CADPS2: variants seen among roughly 807,000 people sequenced by gnomAD.
CADPS2 encodes calcium-dependent secretion activator 2.
Under a neutral mutation model 172.5 loss-of-function variants are expected in CADPS2, and 93 were observed. That is an observed-to-expected ratio of 0.54 (90% CI 0.46 to 0.64). CADPS2 has a LOEUF of 0.64. Among genes scored for constraint, CADPS2 ranks in the 30% least tolerant of loss-of-function variants. The pLI is 0.00. For missense variants in CADPS2, 1,420 were observed against 1,565.9 expected, an observed-to-expected ratio of 0.91 and a Z score of 1.57; for synonymous variants, 546 against 555.2, an observed-to-expected ratio of 0.98 and a Z score of 0.23.
chr7:122,489,110 G>T (rs1414590581), intron 11 of CADPS2, among the ~76,000 whole-genome samples: 1 of 152,024 alleles, frequency 6.6e-6, no homozygotes, highest in Non-Finnish European at 1.5e-5. Flanking sequence ...ACATATAAAA[G>T]ATATGCCCCA....
chr7:122,379,245 A>AT (rs2042712857), intron 25 of CADPS2, 123 bp downstream of exon 25: 7 of 577,660 alleles, frequency 1.2e-5, no homozygotes, highest in Non-Finnish European at 1.4e-5. Context: ...GAAAATTCTA[A>AT]TTTTTTCCTG....
At chr7:122,541,831 T>TCATATATATTTATATATG in intron 8 of CADPS2, among the ~76,000 whole-genome samples, 1 of 108,222 alleles carries the variant, frequency 9.2e-6, no homozygotes, top group Admixed American at 9.4e-5. Flanking sequence ...GTTTATATAT[T>TCATATATATTTATATATG]CATATGTTTA....
intron 1 of CADPS2, among the ~76,000 whole-genome samples, chr7:122,816,351 G>A (rs545299103): frequency 6.6e-6 from 1 of 152,214 alleles, no homozygotes; most frequent in South Asian, 2.1e-4. Flanking sequence ...TGCCATCTGG[G>A]TTGTTGCAAA....
At chr7:122,346,109 G>A (rs1486925143) in intron 27 of CADPS2, among the ~76,000 whole-genome samples, 2 of 152,082 alleles carry the variant, frequency 1.3e-5, no homozygotes, top group African/African-American at 2.4e-5. Flanking sequence ...GCTCATGCCT[G>A]CAATCCCAGC....
chr7:122,359,457 C>A (rs894201818), intron 27 of CADPS2, among the ~76,000 whole-genome samples: 12 of 152,030 alleles, frequency 7.9e-5, no homozygotes, highest in African/African-American at 2.7e-4. Context: ...CTCTGAAATT[C>A]TATGGAGAGA....
intron 27 of CADPS2, among the ~76,000 whole-genome samples, chr7:122,355,281 T>C (rs146799724): frequency 6.6e-6 from 1 of 152,298 alleles, no homozygotes; most frequent in African/African-American, 2.4e-5. Flanking sequence ...AATTTATTTA[T>C]TGCTTTAAAA....
At chr7:122,354,983 G>A (rs1008528130) in intron 27 of CADPS2, among the ~76,000 whole-genome samples, 1 of 152,116 alleles carries the variant, frequency 6.6e-6, no homozygotes, top group Non-Finnish European at 1.5e-5. Flanking sequence ...AGAGGCACGT[G>A]CCTGGAATTT....
intron 24 of CADPS2, among the ~76,000 whole-genome samples, chr7:122,382,009 C>T (rs1337260969): frequency 1.3e-5 from 2 of 151,944 alleles, no homozygotes; most frequent in East Asian, 1.9e-4. Context: ...TGGTGGAGGT[C>T]GTATAGGCAC....
chr7:122,501,874 CAAAAAAAAAAAAAA>C (rs1173009562), intron 9 of CADPS2, among the ~76,000 whole-genome samples: 1 of 42,170 alleles, frequency 2.4e-5, no homozygotes, highest in South Asian at 1.2e-3. Context: ...GACTCCGTCT[CAAAAAAAAAAAAAA>C]AAAAAAAAAA....
chr7:122,769,848 C>A (rs2139033037), intron 1 of CADPS2, among the ~76,000 whole-genome samples: 1 of 152,170 alleles, frequency 6.6e-6, no homozygotes, highest in Middle Eastern at 3.4e-3. Flanking sequence ...CCCCCTAAAC[C>A]ACAAATGGCT....
intron 8 of CADPS2, among the ~76,000 whole-genome samples, chr7:122,514,645 T>C (rs1199402083): frequency 2.0e-5 from 3 of 152,058 alleles, no homozygotes; most frequent in Non-Finnish European, 4.4e-5. Context: ...TTCCTGAATG[T>C]ATTAAGGTAA....
intron 2 of CADPS2, among the ~76,000 whole-genome samples, chr7:122,688,738 T>A (rs903604972): frequency 6.7e-6 from 1 of 148,172 alleles, no homozygotes; most frequent in Non-Finnish European, 1.5e-5. Context: ...TGATGAGCCT[T>A]CCCATTTTAT....
At position 122,510,355 on chromosome 7, in the gene CADPS2, C is replaced by A. The variant is rs964394467; in HGVS notation, c.1542+2894G>T. On this transcript the variant is annotated intron_variant, in intron 9 of 29. Transcript: ENST00000449022. Reference sequence around the variant, plus strand: ...GAATATAAACAGAGACCAAAATGATCTTACTTGGAAGCCAAATAAACACTC... The same window carrying A: ...GAATATAAACAGAGACCAAAATGATATTACTTGGAAGCCAAATAAACACTC... 1.2e-4 allele frequency among the ~76,000 whole-genome samples: 19 copies of A among 152,246 alleles called. No homozygotes were observed. The East Asian group carries it at 3.7e-3, about 29-fold the overall frequency.
intron 1 of CADPS2, among the ~76,000 whole-genome samples, chr7:122,860,050 G>A (rs1454861117): frequency 6.6e-6 from 1 of 152,010 alleles, no homozygotes; most frequent in Admixed American, 6.6e-5. Flanking sequence ...GAACGTTCTG[G>A]GATTTATAAG....
At chr7:122,648,817 A>T (rs924854412) in intron 3 of CADPS2, among the ~76,000 whole-genome samples, 1 of 152,190 alleles carries the variant, frequency 6.6e-6, no homozygotes, top group African/African-American at 2.4e-5. Context: ...GATGAAGTCC[A>T]GCAGCCTAAG....
intron 1 of CADPS2, among the ~76,000 whole-genome samples, chr7:122,821,850 T>G (rs1295869772): frequency 6.6e-6 from 1 of 152,114 alleles, no homozygotes; most frequent in Non-Finnish European, 1.5e-5. Context: ...CTTTCCCTTC[T>G]CAGAATTCAG....
intron 1 of CADPS2, chr7:122,850,318 T>C (rs1813208366): frequency 4.1e-6 from 2 of 487,304 alleles, no homozygotes; most frequent in Non-Finnish European, 7.1e-6. Flanking sequence ...TCTCCTCCAA[T>C]GCAGACATGG....
chr7:122,823,026 CATT>C (rs1326252522), intron 1 of CADPS2, among the ~76,000 whole-genome samples: 1 of 152,136 alleles, frequency 6.6e-6, no homozygotes, highest in Non-Finnish European at 1.5e-5. Context: ...GATGATATCT[CATT>C]ATAGTTTTGA....
chr7:122,780,471 A>C (rs1184935099), intron 1 of CADPS2, among the ~76,000 whole-genome samples: 1 of 152,090 alleles, frequency 6.6e-6, no homozygotes, highest in Non-Finnish European at 1.5e-5. Context: ...TTGTTAGACT[A>C]TACATCTAAT....
Sources: gnomAD v4.1 joint callset for allele counts (sites outside exome capture counted in the v4.1 genomes callset) on GRCh38, gnomAD v4.1.1 for gene constraint, MANE v1.5 for transcripts, NCBI Gene and HGNC (gene_info 2026-07-23, HGNC 2026-07-21) for gene names.